KCNK2: variants seen among roughly 807,000 people sequenced by gnomAD.
The protein encoded by KCNK2 is potassium two pore domain channel subfamily K member 2.
In KCNK2, 21 loss-of-function variants were observed where a neutral mutation model predicts 40.5. That is an observed-to-expected ratio of 0.52 (90% CI 0.37 to 0.75). The LOEUF is 0.75. KCNK2 is among the 30% of genes least tolerant of loss of function. The probability of loss-of-function intolerance (pLI) is 0.00; values close to 1 mark genes in which losing one functional copy is unlikely to be tolerated. For synonymous variants in KCNK2, 191 were observed against 202.2 expected, an observed-to-expected ratio of 0.94 and a Z score of 0.47; for missense variants, 399 against 531.6, an observed-to-expected ratio of 0.75 and a Z score of 2.45.
intron 3 of KCNK2, among the ~76,000 whole-genome samples, chr1:215,134,381 T>C (rs1661807922): frequency 6.6e-6 from 1 of 152,188 alleles, no homozygotes; most frequent in African/African-American, 2.4e-5. Context: ...GGGAATAGTT[T>C]ACTGACATTT....
intron 2 of KCNK2, among the ~76,000 whole-genome samples, chr1:215,123,202 C>T (rs1315650757): frequency 1.4e-5 from 2 of 140,562 alleles, no homozygotes; most frequent in East Asian, 2.1e-4. Flanking sequence ...ACATATTGGG[C>T]AATGATTAAA....
intron 3 of KCNK2, among the ~76,000 whole-genome samples, chr1:215,155,787 G>A (rs928012355): frequency 9.2e-5 from 14 of 152,220 alleles, no homozygotes; most frequent in African/African-American, 3.1e-4. Context: ...CCAAAGTGCT[G>A]GGATTACAGG....
rs551078142 is a variant in KCNK2, at chr1:215,210,026, T to A, written c.963+14934T>A. Among the ~76,000 whole-genome samples the A allele has an allele frequency of 5.9e-3, 284 of 48,384 alleles. 1 individual carries two copies. In the South Asian group the frequency reaches 0.094, roughly 16 times the overall value. The allele number at this position is 48,384 out of a possible 152,430, so 31.7% of individuals were successfully genotyped here. A position where few individuals can be genotyped will look rare whatever the true frequency, so the allele number is the denominator to read the frequency against. ...TATTATATATAATATATAATATATA[T>A]TATATATAATATATATAATATATAT... On this transcript the variant is annotated intron_variant, in intron 6 of 6. Coordinates refer to ENST00000444842, the MANE Select transcript of KCNK2 (RefSeq NM_001017425.3).
chr1:215,110,656 C>T (rs566836962), intron 2 of KCNK2, among the ~76,000 whole-genome samples: 1 of 152,150 alleles, frequency 6.6e-6, no homozygotes, highest in Non-Finnish European at 1.5e-5. Flanking sequence ...TAATCCCAAA[C>T]ATTTTTTTAA....
chr1:215,064,736 G>A (rs888907778), intron 1 of KCNK2, among the ~76,000 whole-genome samples: 10 of 152,126 alleles, frequency 6.6e-5, no homozygotes, highest in South Asian at 6.2e-4. Context: ...TTTCTTTAAC[G>A]TCAAGGCCAA....
intron 6 of KCNK2, among the ~76,000 whole-genome samples, chr1:215,220,996 C>T (rs1666148034): frequency 6.6e-6 from 1 of 152,154 alleles, no homozygotes; most frequent in Admixed American, 6.5e-5. Flanking sequence ...TAACAATTTA[C>T]CCTTGAACAA....
chr1:215,066,340 C>T (rs573397558), intron 1 of KCNK2, among the ~76,000 whole-genome samples: 62 of 152,166 alleles, frequency 4.1e-4, no homozygotes, highest in African/African-American at 1.5e-3. Flanking sequence ...TTGATAGAAA[C>T]ATATGATATA....
At chr1:215,054,186 C>T (rs768064194) in intron 1 of KCNK2, among the ~76,000 whole-genome samples, 9 of 152,116 alleles carry the variant, frequency 5.9e-5, no homozygotes, top group Non-Finnish European at 7.3e-5. Flanking sequence ...CTATGATTGC[C>T]GATATTTCCC....
chr1:215,134,537 G>A (rs1558106662), intron 3 of KCNK2, among the ~76,000 whole-genome samples: 1 of 152,164 alleles, frequency 6.6e-6, no homozygotes, highest in Non-Finnish European at 1.5e-5. Context: ...AAACCCCATA[G>A]TTCAGAGATT....
In KCNK2 at chr1:215,082,741, G is replaced by A. The variant is rs1027715586; in HGVS notation, c.-645G>A. On this transcript the variant is annotated 5_prime_UTR_variant, in exon 1 of 7. Transcript: ENST00000444842. ...GAGGGAGTTCCGAAAGGAGGGAAAC[G>A]AGCCGGCAAGGGGCGACAGGAGCGA... Among the ~76,000 whole-genome samples the A allele has an allele frequency of 2.0e-5, 3 of 151,964 alleles. No homozygotes were observed. Among genetic ancestry groups the A allele is most frequent in the Non-Finnish European group, 4.4e-5 (3 of 67,936 alleles).
At chr1:215,101,260 G>A (rs1250741930) in intron 2 of KCNK2, among the ~76,000 whole-genome samples, 1 of 151,978 alleles carries the variant, frequency 6.6e-6, no homozygotes. Flanking sequence ...TTCAGAAGGT[G>A]CTAATCATCT....
chr1:215,047,164 A>G (rs190736666), intron 1 of KCNK2, among the ~76,000 whole-genome samples: 1 of 152,248 alleles, frequency 6.6e-6, no homozygotes, highest in Admixed American at 6.5e-5. Context: ...TCTCCTTGAA[A>G]AGATTTAACA....
At chr1:215,085,988 A>G (rs1005519185) in intron 1 of KCNK2, among the ~76,000 whole-genome samples, 1 of 152,184 alleles carries the variant, frequency 6.6e-6, no homozygotes, top group Non-Finnish European at 1.5e-5. Context: ...GAGTATTCAA[A>G]TATCTAGTTA....
At chr1:215,068,009 T>C (rs1658617410) in intron 1 of KCNK2, among the ~76,000 whole-genome samples, 1 of 152,128 alleles carries the variant, frequency 6.6e-6, no homozygotes, top group Non-Finnish European at 1.5e-5. Context: ...TATGTTTCTA[T>C]ATGGTCTTCT....
chr1:215,012,634 G>A (rs1332809970), intron 1 of KCNK2, among the ~76,000 whole-genome samples: 1 of 141,288 alleles, frequency 7.1e-6, no homozygotes, highest in Admixed American at 7.3e-5. Flanking sequence ...ACCACACCCA[G>A]CTAATTTTTT....
At chr1:215,218,148 A>C (rs1666030666) in intron 6 of KCNK2, among the ~76,000 whole-genome samples, 1 of 152,208 alleles carries the variant, frequency 6.6e-6, no homozygotes. Flanking sequence ...ATGCAGTCAC[A>C]GTATAGGATA....
intron 3 of KCNK2, among the ~76,000 whole-genome samples, chr1:215,157,135 G>A (rs1255238790): frequency 1.3e-5 from 2 of 152,144 alleles, no homozygotes; most frequent in African/African-American, 2.4e-5. Flanking sequence ...AGATTTGGGT[G>A]GGGACACAGA....
upstream of KCNK2, among the ~76,000 whole-genome samples, chr1:215,079,688 T>A (rs898200962): frequency 6.6e-6 from 1 of 152,094 alleles, no homozygotes; most frequent in African/African-American, 2.4e-5. Flanking sequence ...TATCACTGAG[T>A]GATGCAGGAA....
At chr1:215,140,135 T>C (rs751229430) in intron 3 of KCNK2, among the ~76,000 whole-genome samples, 1 of 152,174 alleles carries the variant, frequency 6.6e-6, no homozygotes, top group Non-Finnish European at 1.5e-5. Context: ...AAATAAACAA[T>C]GACTCAGGTA....
Sources: gnomAD v4.1 joint callset for allele counts (sites outside exome capture counted in the v4.1 genomes callset) on GRCh38, gnomAD v4.1.1 for gene constraint, MANE v1.5 for transcripts, NCBI Gene and HGNC (gene_info 2026-07-23, HGNC 2026-07-21) for gene names.